Variants in ARFGAP3 observed in about 807,000 individuals in gnomAD.
ARFGAP3 encodes ADP-ribosylation factor GTPase-activating protein 3.
A neutral mutation model predicts 75.0 loss-of-function variants in ARFGAP3; 72 were observed. The ratio of observed to expected loss-of-function variants is 0.96; its 90% CI spans 0.79 to 1.17. The LOEUF is 1.17. Ranked by LOEUF, ARFGAP3 falls within the 50% of genes most tolerant of loss-of-function variation. The pLI is 0.00. For synonymous variants in ARFGAP3, 221 were observed against 217.9 expected (o/e 1.01, Z -0.13); for missense variants, 620 against 626.6 (o/e 0.99, Z 0.11).
intron 6 of ARFGAP3, among the ~76,000 whole-genome samples, chr22:42,830,445 C>T (rs1164518960): frequency 6.6e-6 from 1 of 152,238 alleles, no homozygotes; most frequent in Non-Finnish European, 1.5e-5. Context: ...CGGTTGGTGA[C>T]TGCTTCATCT....
At chr22:42,808,927 T>C (rs1008103229) in intron 12 of ARFGAP3, 37 bp from the exon 13 acceptor site, 2 of 1,542,328 alleles carry the variant, frequency 1.3e-6, no homozygotes, top group African/African-American at 2.7e-5. Context: ...TTAAACTAAT[T>C]TGAGGTGAAG....
intron 12 of ARFGAP3, among the ~76,000 whole-genome samples, chr22:42,810,146 T>C (rs2146533622): frequency 6.6e-6 from 1 of 152,206 alleles, no homozygotes; most frequent in Non-Finnish European, 1.5e-5. Context: ...GATTCTGATG[T>C]GCACTTCCTA....
At chr22:42,841,146 C>CCA in intron 2 of ARFGAP3, 130 bp from the exon 3 acceptor site, 1 of 1,455,524 alleles carries the variant, frequency 6.9e-7, no homozygotes, top group Non-Finnish European at 9.0e-7. Flanking sequence ...CAACAAGGAC[C>CCA]CACACTTTTG....
chr22:42,812,305 A>T (rs1984040954), intron 11 of ARFGAP3, among the ~76,000 whole-genome samples: 1 of 151,880 alleles, frequency 6.6e-6, no homozygotes. Flanking sequence ...GTCTGGCCAG[A>T]TATACACACC....
At chr22:42,818,277 AT>A (rs1172949650) in intron 9 of ARFGAP3, among the ~76,000 whole-genome samples, 3 of 152,224 alleles carry the variant, frequency 2.0e-5, no homozygotes, top group African/African-American at 7.2e-5. Context: ...ATAAATAAAT[AT>A]ATAAATTTGA....
intron 9 of ARFGAP3, among the ~76,000 whole-genome samples, chr22:42,820,221 C>G (rs114070467): frequency 6.6e-6 from 1 of 152,146 alleles, no homozygotes; most frequent in Non-Finnish European, 1.5e-5. Flanking sequence ...GAGAAGCCAT[C>G]GAAACACTCA....
chr22:42,800,892 G>C (rs538710768), intron 14 of ARFGAP3, among the ~76,000 whole-genome samples: 43 of 152,346 alleles, frequency 2.8e-4, no homozygotes, highest in African/African-American at 9.1e-4. Flanking sequence ...TGCTCAGGAA[G>C]AGCGTCCTTG....
chr22:42,854,240 G>A (rs1927402606), intron 1 of ARFGAP3, among the ~76,000 whole-genome samples: 1 of 152,192 alleles, frequency 6.6e-6, no homozygotes, highest in African/African-American at 2.4e-5. Flanking sequence ...GCATAGCATA[G>A]GTGCTTAATG....
rs957465490 is a variant in ARFGAP3, at chr22:42,857,213, C to A, written c.-31G>T. The stretch of plus-strand genomic sequence containing the variant: ...GCTGTGAGCCGCGGCGCAGCTGGCC[C>A]AGCCAACCGGTAAGAGTCGACGAAA... On this transcript the variant is annotated 5_prime_UTR_variant, in exon 1 of 16. Coordinates refer to ENST00000263245, the MANE Select transcript of ARFGAP3 (RefSeq NM_014570.5). 1.3e-6 allele frequency: 2 copies of A among 1,503,422 alleles called. No homozygotes were observed. Among genetic ancestry groups the A allele is most frequent in the African/African-American group, 1.4e-5 (1 of 69,082 alleles). 93.1% of individuals were successfully genotyped at this position (1,503,422 alleles called of 1,614,324 possible).
intron 3 of ARFGAP3, among the ~76,000 whole-genome samples, chr22:42,838,255 GAT>G (rs1420733535): frequency 1.4e-5 from 2 of 142,668 alleles, no homozygotes; most frequent in Non-Finnish European, 3.0e-5. Flanking sequence ...CTATTTAATT[GAT>G]ATATATATAC....
intron 7 of ARFGAP3, among the ~76,000 whole-genome samples, chr22:42,824,293 A>T (rs1569151999): frequency 6.8e-6 from 1 of 146,992 alleles, no homozygotes; most frequent in Non-Finnish European, 1.5e-5. Context: ...TGAAATTATG[A>T]GTATGAGCCA....
At chr22:42,817,400 T>G (rs1408156602) in intron 10 of ARFGAP3, 136 bp from the exon 11 acceptor site, 13 of 1,260,064 alleles carry the variant, frequency 1.0e-5, no homozygotes, top group South Asian at 3.5e-5. Flanking sequence ...ATAAAACAAT[T>G]TTTTTTTCTG....
intron 12 of ARFGAP3, among the ~76,000 whole-genome samples, chr22:42,809,555 G>T (rs1039496781): frequency 6.6e-6 from 1 of 152,078 alleles, no homozygotes; most frequent in African/African-American, 2.4e-5. Flanking sequence ...CCAGGGGCAG[G>T]GGAGGGGGGA....
At chr22:42,848,500 G>A (rs1200677173) in intron 1 of ARFGAP3, among the ~76,000 whole-genome samples, 2 of 152,134 alleles carry the variant, frequency 1.3e-5, no homozygotes, top group African/African-American at 2.4e-5. Flanking sequence ...GAGCCACCGC[G>A]CCCGGGCTAT....
At chr22:42,826,629 G>A (rs1926050673) in intron 7 of ARFGAP3, among the ~76,000 whole-genome samples, 1 of 151,902 alleles carries the variant, frequency 6.6e-6, no homozygotes, top group African/African-American at 2.4e-5. Flanking sequence ...CGAACTCCTG[G>A]GCTCAAGCGA....
rs751887752 is a variant in ARFGAP3 at position 42,807,053 on chromosome 22, T to C, written c.1411+20A>G. The stretch of plus-strand genomic sequence containing the variant: ...TACCGTAGACATGACAGAGACCAGC[T>C]CTTGTTCAGTGCCCCCTACCTGCTG... On this transcript the variant is annotated intron_variant, in intron 14 of 15. Coordinates refer to ENST00000263245, the MANE Select transcript of ARFGAP3 (RefSeq NM_014570.5). 6.3e-7 allele frequency: 1 copy of C among 1,595,880 alleles called. No homozygotes were observed. The highest frequency in any genetic ancestry group is 8.5e-7 in the Non-Finnish European group (1 of 1,171,512).
At chr22:42,818,226 G>C (rs1367609837) in intron 9 of ARFGAP3, among the ~76,000 whole-genome samples, 1 of 150,704 alleles carries the variant, frequency 6.6e-6, no homozygotes, top group East Asian at 1.9e-4. Flanking sequence ...ACATAACAAA[G>C]CATGAGGTTA....
intron 14 of ARFGAP3, 119 bp from the exon 15 acceptor site, chr22:42,799,279 C>T (rs959096401): frequency 6.6e-7 from 1 of 1,516,538 alleles, no homozygotes; most frequent in African/African-American, 1.4e-5. Context: ...TGCTGCCTCA[C>T]AAGGGGCCCA....
intron 1 of ARFGAP3, among the ~76,000 whole-genome samples, chr22:42,852,030 G>A (rs1248441367): frequency 2.0e-5 from 3 of 151,806 alleles, no homozygotes; most frequent in African/African-American, 7.3e-5. Flanking sequence ...ATAAAAGAGT[G>A]TGTGATTGGC....
Sources: gnomAD v4.1 joint callset for allele counts (sites outside exome capture counted in the v4.1 genomes callset) on GRCh38, gnomAD v4.1.1 for gene constraint, MANE v1.5 for transcripts, NCBI Gene and HGNC (gene_info 2026-07-23, HGNC 2026-07-21) for gene names.